PDE1C: variants seen among roughly 807,000 people sequenced by gnomAD.
The protein encoded by PDE1C is phosphodiesterase 1C, also known as dual specificity calcium/calmodulin-dependent 3',5'-cyclic nucleotide phosphodiesterase 1C.
A neutral mutation model predicts 93.1 loss-of-function variants in PDE1C; 62 were observed. That is an observed-to-expected ratio of 0.67 (90% CI 0.54 to 0.82). The LOEUF (loss-of-function observed/expected upper bound fraction) is 0.82, where lower values mean the gene tolerates loss of function less well. Among genes scored for constraint, PDE1C ranks in the 40% least tolerant of loss-of-function variants. The probability of loss-of-function intolerance (pLI) is 0.00; values close to 1 mark genes in which losing one functional copy is unlikely to be tolerated. For missense variants in PDE1C, 742 were observed against 884.6 expected (o/e 0.84, Z 2.04); for synonymous variants, 325 against 310.1 (o/e 1.05, Z -0.50).
chr7:32,109,514 G>A (rs956164830), intron 3 of PDE1C, among the ~76,000 whole-genome samples: 1 of 152,138 alleles, frequency 6.6e-6, no homozygotes, highest in Non-Finnish European at 1.5e-5. Context: ...CCTGTGCATT[G>A]TAGGATGTTT....
At chr7:32,030,090 C>T (rs1790112164) in intron 2 of PDE1C, among the ~76,000 whole-genome samples, 1 of 144,408 alleles carries the variant, frequency 6.9e-6, no homozygotes. Context: ...CACACACACA[C>T]ACACACACAC....
chr7:31,753,790 C>A (rs1019922962), intron 17 of PDE1C, among the ~76,000 whole-genome samples: 2 of 152,150 alleles, frequency 1.3e-5, no homozygotes, highest in African/African-American at 4.8e-5. Flanking sequence ...GTGATAACTG[C>A]AGTACATAAA....
chr7:31,749,269 A>G (rs1794069643), downstream of PDE1C, among the ~76,000 whole-genome samples: 1 of 152,092 alleles, frequency 6.6e-6, no homozygotes, highest in East Asian at 1.9e-4. Flanking sequence ...AAAATAAACA[A>G]GCAGAACTCC....
chr7:32,374,871 T>C (rs1172957076), intron 1 of PDE1C, among the ~76,000 whole-genome samples: 1 of 152,180 alleles, frequency 6.6e-6, no homozygotes, highest in African/African-American at 2.4e-5. Context: ...CAGTCTATTT[T>C]ACATCAATGG....
the PDE1C span, among the ~76,000 whole-genome samples, chr7:31,713,431 TCA>T: frequency 2.0e-5 from 3 of 152,340 alleles, no homozygotes; most frequent in East Asian, 3.9e-4. Context: ...CTGGCTGCTT[TCA>T]CAGTCTGGCG....
the PDE1C span, among the ~76,000 whole-genome samples, chr7:31,735,763 GTCT>G: frequency 2.6e-5 from 4 of 152,148 alleles, no homozygotes; most frequent in African/African-American, 9.7e-5. Flanking sequence ...CATGTTGTTT[GTCT>G]TCTTCTGTGC....
intron 1 of PDE1C, among the ~76,000 whole-genome samples, chr7:32,361,501 G>A (rs1227035308): frequency 6.6e-6 from 1 of 152,226 alleles, no homozygotes; most frequent in African/African-American, 2.4e-5. Context: ...ATGTTGGGAA[G>A]TGACACACAC....
chr7:32,115,811 A>T (rs2128759857), intron 3 of PDE1C, among the ~76,000 whole-genome samples: 1 of 152,292 alleles, frequency 6.6e-6, no homozygotes, highest in South Asian at 2.1e-4. Context: ...CTCTGAGGAA[A>T]GAAAGAATGA....
intron 3 of PDE1C, among the ~76,000 whole-genome samples, chr7:32,142,260 A>G (rs1051390634): frequency 7.9e-5 from 12 of 152,192 alleles, no homozygotes; most frequent in African/African-American, 2.9e-4. Flanking sequence ...AGAGGAAGGT[A>G]CAAGGGCAAA....
intron 2 of PDE1C, among the ~76,000 whole-genome samples, chr7:31,887,682 A>C (rs552769112): frequency 4.5e-4 from 68 of 152,322 alleles, no homozygotes; most frequent in African/African-American, 1.4e-3. Flanking sequence ...ATAGTAATCA[A>C]AACTGACCAT....
chr7:31,711,300 A>G, the PDE1C span, among the ~76,000 whole-genome samples: 2 of 152,348 alleles, frequency 1.3e-5, no homozygotes, highest in South Asian at 4.1e-4. Context: ...AGTACTACTT[A>G]AATAATGCCT....
chr7:32,389,991 G>A (rs1266790523), intron 1 of PDE1C, among the ~76,000 whole-genome samples: 1 of 152,126 alleles, frequency 6.6e-6, no homozygotes, highest in Non-Finnish European at 1.5e-5. Flanking sequence ...TATTGAAACA[G>A]GGAAATAAAA....
In PDE1C at chr7:32,095,250, C is replaced by A. The variant is rs116514077; in HGVS notation, c.308+74535G>T. Among the ~76,000 whole-genome samples, 1,376 of 152,316 alleles carry A rather than the reference C, an allele frequency of 9.0e-3. 17 individuals are homozygous for A. The highest frequency in any genetic ancestry group is 0.031 in the African/African-American group (1,297 of 41,568). Reference sequence around the variant, plus strand: ...CTGAAGACTGAAAATCTTGGGAAAGCAACCAGACATCCCATCAGTGGCATT... The same window carrying A: ...CTGAAGACTGAAAATCTTGGGAAAGAAACCAGACATCCCATCAGTGGCATT... On this transcript the variant is annotated intron_variant, in intron 3 of 18. Transcript: ENST00000396193.
intron 2 of PDE1C, among the ~76,000 whole-genome samples, chr7:32,198,992 G>A (rs1308318115): frequency 2.6e-5 from 4 of 151,978 alleles, no homozygotes; most frequent in African/African-American, 4.8e-5. Flanking sequence ...GCATGGTGGC[G>A]CATGCCTGTA....
chr7:31,643,867 C>T, the PDE1C span: 3 of 1,613,938 alleles, frequency 1.9e-6, no homozygotes, highest in African/African-American at 1.3e-5. Flanking sequence ...TAGGCACTGC[C>T]TGTGTTCACT....
intron 1 of PDE1C, among the ~76,000 whole-genome samples, chr7:32,066,424 A>G (rs760055014): frequency 6.6e-6 from 1 of 152,194 alleles, no homozygotes; most frequent in Non-Finnish European, 1.5e-5. Context: ...ATAAGCATAA[A>G]ATTTATTATA....
chr7:31,629,176 A>G, the PDE1C span, among the ~76,000 whole-genome samples: 3 of 152,236 alleles, frequency 2.0e-5, no homozygotes, highest in Non-Finnish European at 4.4e-5. Flanking sequence ...CTTCCAGGAC[A>G]TTGCATGCAC....
At chr7:32,081,094 G>T (rs151181331) in intron 3 of PDE1C, among the ~76,000 whole-genome samples, 2 of 152,158 alleles carry the variant, frequency 1.3e-5, no homozygotes, top group African/African-American at 4.8e-5. Flanking sequence ...TGCCAGTACC[G>T]CCATGGAAAC....
intron 9 of PDE1C, among the ~76,000 whole-genome samples, chr7:31,844,340 C>G (rs1348530270): frequency 6.6e-6 from 1 of 151,604 alleles, no homozygotes; most frequent in Non-Finnish European, 1.5e-5. Flanking sequence ...TAACGCAGCT[C>G]CATTAGTGAC....
Sources: allele counts gnomAD v4.1 joint callset (sites outside exome capture counted in the v4.1 genomes callset), GRCh38; gene constraint gnomAD v4.1.1; transcripts MANE v1.5; gene names NCBI Gene and HGNC (gene_info 2026-07-23, HGNC 2026-07-21).